MRO: variants seen among roughly 807,000 people sequenced by gnomAD.
The protein encoded by MRO is protein maestro.
Under a neutral mutation model 31.0 loss-of-function variants are expected in MRO, and 28 were observed. The observed-to-expected ratio is 0.90, with a 90% CI of 0.67 to 1.24. The LOEUF (loss-of-function observed/expected upper bound fraction) is 1.24. Among genes scored for constraint, MRO ranks in the 50% most tolerant of loss-of-function variants. MRO has a pLI of 0.00. For missense variants in MRO, 332 were observed against 289.2 expected (o/e 1.15, Z -1.07); for synonymous variants, 108 against 108.4 (o/e 1.00, Z 0.02).
At chr18:50,806,579 G>T in intron 4 of MRO, 125 bp downstream of exon 4, 1 of 1,156,922 alleles carries the variant, frequency 8.6e-7, no homozygotes, top group Non-Finnish European at 1.2e-6. Context: ...CTAAGTGTGC[G>T]GTGGTTTGTT....
upstream of MRO, among the ~76,000 whole-genome samples, chr18:50,820,602 A>G (rs1915267381): frequency 6.6e-6 from 1 of 152,240 alleles, no homozygotes; most frequent in South Asian, 2.1e-4. Context: ...TGTGTGCCAA[A>G]TGTTGTGATA....
intron 6 of MRO, 85 bp downstream of exon 6, chr18:50,801,264 C>G: frequency 7.9e-7 from 1 of 1,264,294 alleles, no homozygotes; most frequent in Non-Finnish European, 1.1e-6. Context: ...TGGCAGGAAC[C>G]CTAGGGTCTG....
intron 5 of MRO, among the ~76,000 whole-genome samples, chr18:50,803,352 C>T (rs1347069825): frequency 4.0e-5 from 6 of 151,878 alleles, no homozygotes; most frequent in East Asian, 1.9e-4. Context: ...ACAAAAACTA[C>T]GAAAATTAGC....
At chr18:50,809,454 A>G in intron 2 of MRO, 50 bp from the exon 3 acceptor site, 1 of 1,297,882 alleles carries the variant, frequency 7.7e-7, no homozygotes, top group Non-Finnish European at 1.1e-6. Flanking sequence ...ACTCATCATC[A>G]ACAAACATTG....
intron 2 of MRO, among the ~76,000 whole-genome samples, chr18:50,813,825 A>G (rs562164591): frequency 6.6e-6 from 1 of 152,170 alleles, no homozygotes; most frequent in Non-Finnish European, 1.5e-5. Context: ...CACAGACACC[A>G]GGGCCTACTT....
intron 2 of MRO, among the ~76,000 whole-genome samples, chr18:50,817,418 A>G (rs1470449718): frequency 2.0e-5 from 3 of 152,060 alleles, no homozygotes; most frequent in Non-Finnish European, 2.9e-5. Context: ...CCTTGAGCCC[A>G]GGAGTCTGAG....
rs577477495 is a variant in MRO, at chr18:50,816,681, A to G, written c.-5+2900T>C. 4.7e-5 allele frequency among the ~76,000 whole-genome samples: 7 copies of G among 148,780 alleles called. No individual in the cohort carries two copies. In the East Asian group the frequency reaches 1.4e-3, roughly 29 times the overall value. Reference sequence around the variant, plus strand: ...TGGAGAGAATATTTGTACGCTTGCAACGTCTATTTTAAATAAATAGGATTG... The same window carrying G: ...TGGAGAGAATATTTGTACGCTTGCAGCGTCTATTTTAAATAAATAGGATTG... On this transcript the variant is annotated intron_variant, in intron 2 of 7. Coordinates refer to ENST00000398439, the MANE Select transcript of MRO (RefSeq NM_031939.6).
At chr18:50,799,978 T>G (rs1913134955) in intron 7 of MRO, 58 bp downstream of exon 7, 2 of 1,247,486 alleles carry the variant, frequency 1.6e-6, no homozygotes, top group Non-Finnish European at 2.3e-6. Context: ...ACCTTCCGTG[T>G]TAACCACCAG....
At position 50,820,007 on chromosome 18, in the gene MRO, T is replaced by C. The variant is rs1270792437; in HGVS notation, c.-237A>G. ...ACACTTTCTGCAGAAATTCTGCAGA[T>C]GGCAATTCTGGGGACCTTTCCTCTG... On this transcript the variant is annotated 5_prime_UTR_variant, in exon 1 of 8. Transcript: ENST00000398439. 4 of 1,500,852 alleles carry C rather than the reference T, an allele frequency of 2.7e-6. No homozygotes were observed. The highest frequency in any genetic ancestry group is 4.9e-5 in the East Asian group (2 of 40,690). 93.0% of individuals were successfully genotyped at this position (1,500,852 alleles called of 1,614,324 possible). A position where few individuals can be genotyped will look rare whatever the true frequency, so the allele number is the denominator to read the frequency against.
intron 3 of MRO, among the ~76,000 whole-genome samples, chr18:50,807,716 T>C (rs1156461191): frequency 6.6e-6 from 1 of 152,230 alleles, no homozygotes. Context: ...CATCTGAGCA[T>C]GCAGTTAAGA....
At chr18:50,819,793 A>C in intron 1 of MRO, 91 bp from the exon 2 acceptor site, 4 of 1,543,302 alleles carry the variant, frequency 2.6e-6, no homozygotes, top group Non-Finnish European at 3.5e-6. Context: ...GAATCAAATA[A>C]GAGGGGAAAG....
chr18:50,814,492 G>T, intron 2 of MRO: 1 of 181,316 alleles, frequency 5.5e-6, no homozygotes, highest in South Asian at 1.2e-4. Context: ...TGAGGAATGG[G>T]GCACACCCAC....
At chr18:50,813,846 G>A (rs1259166501) in intron 2 of MRO, among the ~76,000 whole-genome samples, 1 of 152,156 alleles carries the variant, frequency 6.6e-6, no homozygotes, top group East Asian at 1.9e-4. Context: ...GAGGGTTGGA[G>A]GGTGGGAGGA....
At chr18:50,818,085 G>T (rs986658536) in intron 2 of MRO, among the ~76,000 whole-genome samples, 22 of 141,716 alleles carry the variant, frequency 1.6e-4, no homozygotes, top group Non-Finnish European at 3.0e-4. Context: ...AAAAACAAAA[G>T]GATCATTCTC....
At position 50,797,202 on chromosome 18, in the gene MRO, G is replaced by A. The variant is rs1912862094; in HGVS notation, c.*2135C>T. ...CAACAGCTCGGGTCTGGCTGGAAGG[G>A]ACAACTTGTGTCATGTGTCCGGGCC... On this transcript the variant is annotated 3_prime_UTR_variant, in exon 8 of 8. Coordinates refer to ENST00000398439, the MANE Select transcript of MRO (RefSeq NM_031939.6). 1 of 152,244 alleles carries A rather than the reference G, an allele frequency of 6.6e-6. No homozygotes were observed. The highest frequency in any genetic ancestry group is 1.5e-5 in the Non-Finnish European group (1 of 68,072). 9.4% of individuals were successfully genotyped at this position (152,244 alleles called of 1,614,324 possible).
intron 6 of MRO, among the ~76,000 whole-genome samples, chr18:50,800,919 A>AAAGG (rs1425065546): frequency 1.3e-5 from 2 of 151,734 alleles, no homozygotes; most frequent in Non-Finnish European, 2.9e-5. Flanking sequence ...ACGAAGGAAG[A>AAAGG]AAGGAAGGAA....
At chr18:50,802,904 A>AGTGTG (rs1555667860) in intron 5 of MRO, among the ~76,000 whole-genome samples, 9 of 147,854 alleles carry the variant, frequency 6.1e-5, no homozygotes, top group African/African-American at 2.3e-4. Flanking sequence ...GTGTTTGTGT[A>AGTGTG]TGTGTGTGTG....
chr18:50,810,876 C>T (rs530624330), intron 2 of MRO, among the ~76,000 whole-genome samples: 42 of 152,144 alleles, frequency 2.8e-4, no homozygotes, highest in Non-Finnish European at 2.1e-4. Flanking sequence ...ACTTTAAGTT[C>T]TAGGGTACAT....
In MRO at chr18:50,809,322, T is replaced by C. The variant is rs772889115; in HGVS notation, c.79A>G (p.Met27Val). Residue 27 changes from methionine to valine, a missense_variant, in exon 3 of 8, where the codon ATG becomes GTG. Coordinates refer to ENST00000398439, the MANE Select transcript of MRO (RefSeq NM_031939.6). ...CAGACCTTGGAAAAGAAAGATATCA[T>C]TGATGTCCTTTTCTGCTTGGGCTGG... Reference protein sequence around the residue: ...TSQPKQKRTSMISFFSKVSWK... With the variant: ...TSQPKQKRTSVISFFSKVSWK... The C allele has an allele frequency of 1.2e-6, 2 of 1,613,428 alleles. No individual in the cohort carries two copies. Among genetic ancestry groups the C allele is most frequent in the South Asian group, 1.1e-5 (1 of 91,044 alleles).
Sources: allele counts gnomAD v4.1 joint callset (sites outside exome capture counted in the v4.1 genomes callset), GRCh38; gene constraint gnomAD v4.1.1; transcripts MANE v1.5; gene names NCBI Gene and HGNC (gene_info 2026-07-23, HGNC 2026-07-21).